The following WDR72 variants were observed in gnomAD, a reference collection of about 807,000 sequenced individuals.
WDR72 encodes WD repeat domain 72.
A neutral mutation model predicts 124.2 loss-of-function variants in WDR72; 120 were observed. The ratio of observed to expected loss-of-function variants is 0.97; its 90% CI spans 0.83 to 1.12. The LOEUF is 1.12. Among genes scored for constraint, WDR72 ranks in the 50% most tolerant of loss-of-function variants. WDR72 has a pLI of 0.00. For missense variants in WDR72, 1,387 were observed against 1,278.8 expected, an observed-to-expected ratio of 1.08 and a Z score of -1.29; for synonymous variants, 452 against 441.7, an observed-to-expected ratio of 1.02 and a Z score of -0.29.
intron 14 of WDR72, among the ~76,000 whole-genome samples, chr15:53,648,437 A>C (rs1438939049): frequency 2.0e-5 from 3 of 152,180 alleles, no homozygotes; most frequent in Non-Finnish European, 4.4e-5. Flanking sequence ...ATGACACTGA[A>C]ATCAGCAGTA....
chr15:53,620,792 A>G (rs1224929075), intron 14 of WDR72, among the ~76,000 whole-genome samples: 1 of 152,112 alleles, frequency 6.6e-6, no homozygotes, highest in Non-Finnish European at 1.5e-5. Context: ...ACAAAGATTA[A>G]ACAGCTGGGA....
intron 17 of WDR72, among the ~76,000 whole-genome samples, chr15:53,601,997 A>G (rs1218439237): frequency 6.6e-6 from 1 of 152,156 alleles, no homozygotes; most frequent in Non-Finnish European, 1.5e-5. Context: ...AATGGACCTG[A>G]TGTCTATAGA....
At chr15:53,639,483 T>C (rs971957428) in intron 14 of WDR72, among the ~76,000 whole-genome samples, 1 of 145,840 alleles carries the variant, frequency 6.9e-6, no homozygotes, top group African/African-American at 2.5e-5. Flanking sequence ...TAAAATTTTA[T>C]ATAATTTTAT....
rs367645777 is a variant in WDR72, at chr15:53,530,783, G to T, written c.3149-7461C>A. Among the ~76,000 whole-genome samples the T allele has an allele frequency of 5.5e-4, 84 of 152,152 alleles. 1 individual carries two copies. In the South Asian group the frequency reaches 0.016, roughly 30 times the overall value. Reference sequence around the variant, plus strand: ...TTAAGATAAGGATTCACATCACAGGGCAATTTAAACCAAGGAAAAGCACCA... The same window carrying T: ...TTAAGATAAGGATTCACATCACAGGTCAATTTAAACCAAGGAAAAGCACCA... On this transcript the variant is annotated intron_variant, in intron 18 of 19. Coordinates refer to ENST00000360509, the MANE Select transcript of WDR72 (RefSeq NM_182758.4).
chr15:53,573,247 T>C (rs1369356359), intron 18 of WDR72, among the ~76,000 whole-genome samples: 1 of 152,202 alleles, frequency 6.6e-6, no homozygotes, highest in African/African-American at 2.4e-5. Context: ...CTTCATTCCA[T>C]GATATTATGA....
At chr15:53,562,303 T>C (rs192319159) in intron 18 of WDR72, among the ~76,000 whole-genome samples, 123 of 151,912 alleles carry the variant, frequency 8.1e-4, no homozygotes, top group South Asian at 3.9e-3. Context: ...TGGCCTAGTT[T>C]TCTCTTAATT....
intron 18 of WDR72, among the ~76,000 whole-genome samples, chr15:53,563,851 A>G (rs1392782177): frequency 6.6e-6 from 1 of 151,794 alleles, no homozygotes; most frequent in Non-Finnish European, 1.5e-5. Context: ...GTCATCCATC[A>G]TCCCTGGTCT....
chr15:53,530,887 C>A (rs1357562409), intron 18 of WDR72, among the ~76,000 whole-genome samples: 1 of 152,062 alleles, frequency 6.6e-6, no homozygotes, highest in Non-Finnish European at 1.5e-5. Context: ...GAGCAGCAAC[C>A]TTTCCACAGA....
chr15:53,692,102 T>C (rs893008253), intron 13 of WDR72, among the ~76,000 whole-genome samples: 1 of 152,158 alleles, frequency 6.6e-6, no homozygotes, highest in African/African-American at 2.4e-5. Context: ...AGAGGTGAAG[T>C]GCACTGTGCT....
intron 17 of WDR72, among the ~76,000 whole-genome samples, chr15:53,608,258 T>C (rs976096775): frequency 3.3e-5 from 5 of 152,132 alleles, no homozygotes; most frequent in African/African-American, 1.2e-4. Flanking sequence ...CCTAAGTATT[T>C]GGAAGCAATT....
chr15:53,637,242 GAAAT>G (rs1244163185), intron 14 of WDR72, among the ~76,000 whole-genome samples: 8 of 152,250 alleles, frequency 5.3e-5, no homozygotes, highest in African/African-American at 1.7e-4. Flanking sequence ...TAATTGAAGA[GAAAT>G]AAAAATGTAT....
At chr15:53,724,703 G>A (rs2017971515) in intron 2 of WDR72, among the ~76,000 whole-genome samples, 2 of 152,196 alleles carry the variant, frequency 1.3e-5, no homozygotes, top group African/African-American at 2.4e-5. Context: ...AATTCAACAT[G>A]AGATTTGCGT....
At position 53,615,870 on chromosome 15, in the gene WDR72, T is replaced by G. The variant is rs1409086819; in HGVS notation, c.2336A>C (p.Gln779Pro). ...ATCTACTTTTCTTGATGGCTTAGGC[T>G]GCATTTTTTTGGAGATCTTCATTTT... ...QKKMKISKKM[Q>P]PKPSRKVDAS... Residue 779 changes from glutamine to proline, a missense_variant, in exon 15 of 20, where the codon CAG (glutamine) becomes CCG (proline). Physicochemically the swap from Gln to Pro is moderately conservative, Grantham distance 76. Coordinates refer to ENST00000360509, the MANE Select transcript of WDR72 (RefSeq NM_182758.4). The G allele has an allele frequency of 7.4e-6, 12 of 1,613,680 alleles. No homozygotes were observed. Among genetic ancestry groups the G allele is most frequent in the Non-Finnish European group, 9.3e-6 (11 of 1,179,706 alleles).
chr15:53,667,693 AT>A (rs1444524654), intron 13 of WDR72, among the ~76,000 whole-genome samples: 1 of 152,018 alleles, frequency 6.6e-6, no homozygotes, highest in Non-Finnish European at 1.5e-5. Flanking sequence ...CATCCTGGAT[AT>A]TTTCTTCTCA....
At chr15:53,731,306 G>A (rs1224559432) in intron 2 of WDR72, among the ~76,000 whole-genome samples, 1 of 151,830 alleles carries the variant, frequency 6.6e-6, no homozygotes, top group Admixed American at 6.6e-5. Context: ...TTTCCTCCAA[G>A]CACAGGCAGT....
chr15:53,624,459 T>G (rs1165304257), intron 14 of WDR72, among the ~76,000 whole-genome samples: 1 of 152,200 alleles, frequency 6.6e-6, no homozygotes, highest in Non-Finnish European at 1.5e-5. Flanking sequence ...CACCTAGATC[T>G]CCTCAACTTC....
At chr15:53,670,315 G>A (rs138515580) in intron 13 of WDR72, among the ~76,000 whole-genome samples, 61 of 152,268 alleles carry the variant, frequency 4.0e-4, no homozygotes, top group African/African-American at 1.2e-3. Flanking sequence ...CCAAAGTTGC[G>A]TAGTTTCCAA....
intron 18 of WDR72, among the ~76,000 whole-genome samples, chr15:53,569,383 T>C (rs1894422103): frequency 6.7e-6 from 1 of 149,742 alleles, no homozygotes; most frequent in Admixed American, 6.7e-5. Context: ...TTCTCCAAAA[T>C]GGTGTGGACA....
At position 53,591,685 on chromosome 15, in the gene WDR72, A is replaced by AACACACACACACACAC. The variant is rs67873847; in HGVS notation, c.3148+5378_3148+5393dup. On this transcript the variant is annotated intron_variant, in intron 18 of 19. Coordinates refer to ENST00000360509, the MANE Select transcript of WDR72 (RefSeq NM_182758.4). ...ACACATATATACATACAACACACAC[A>AACACACACACACACAC]ACACACACACACACACACACACACA... Among the ~76,000 whole-genome samples the AACACACACACACACAC allele has an allele frequency of 6.0e-5, 9 of 148,930 alleles. No homozygotes were observed. The South Asian group carries it at 6.5e-4, about 11-fold the overall frequency.
Sources: allele counts gnomAD v4.1 joint callset (sites outside exome capture counted in the v4.1 genomes callset), GRCh38; gene constraint gnomAD v4.1.1; transcripts MANE v1.5; gene names NCBI Gene and HGNC (gene_info 2026-07-23, HGNC 2026-07-21).